The following CDH6 variants were observed in gnomAD, a reference collection of about 807,000 sequenced individuals.
CDH6 encodes the protein cadherin-6.
In CDH6, 31 loss-of-function variants were observed where a neutral mutation model predicts 78.0. The ratio of observed to expected loss-of-function variants is 0.40; its 90% CI spans 0.30 to 0.54. The LOEUF is 0.54. Ranked by LOEUF, CDH6 falls within the 20% of genes least tolerant of loss-of-function variation. The probability of loss-of-function intolerance (pLI) is 0.56; values close to 1 mark genes in which losing one functional copy is unlikely to be tolerated. For synonymous variants in CDH6, 376 were observed against 368.8 expected (o/e 1.02, Z -0.23); for missense variants, 724 against 975.9 (o/e 0.74, Z 3.44).
intron 1 of CDH6, among the ~76,000 whole-genome samples, chr5:31,200,174 A>G (rs1410101374): frequency 3.9e-5 from 6 of 152,206 alleles, no homozygotes; most frequent in African/African-American, 1.2e-4. Context: ...TAATTGTAGT[A>G]GAAAGCATTG....
chr5:31,265,774 T>G (rs1579864256), intron 1 of CDH6, among the ~76,000 whole-genome samples: 1 of 132,330 alleles, frequency 7.6e-6, no homozygotes, highest in Non-Finnish European at 1.6e-5. Flanking sequence ...ACAATGTTTT[T>G]TTTTTTTTTT....
chr5:31,229,161 G>A (rs58288165), intron 1 of CDH6, among the ~76,000 whole-genome samples: 12,414 of 152,132 alleles, frequency 0.082, 648 homozygotes, highest in South Asian at 0.26. Flanking sequence ...AGCTCTACCC[G>A]ATTCTCCAAA....
At chr5:31,303,994 A>G (rs1737903776) in intron 6 of CDH6, among the ~76,000 whole-genome samples, 1 of 152,140 alleles carries the variant, frequency 6.6e-6, no homozygotes, top group Non-Finnish European at 1.5e-5. Flanking sequence ...GAGCCTTGTC[A>G]TATTATCATC....
rs567880202 is a variant in CDH6 at position 31,198,815 on chromosome 5, A to C, written c.-129+4929A>C. ...GCCACCTTATAAACATAATTACATC[A>C]TTAACATATTTATACACACTACTCA... On this transcript the variant is annotated intron_variant, in intron 1 of 11. Transcript: ENST00000265071. Among the ~76,000 whole-genome samples the C allele has an allele frequency of 2.0e-5, 3 of 152,262 alleles. No individual in the cohort carries two copies. In the South Asian group the frequency reaches 6.2e-4, roughly 31 times the overall value.
Position 31,267,362 on chromosome 5 carries a change from A to C in CDH6, c.-112A>C. 1.3e-6 allele frequency: 1 copy of C among 748,280 alleles called. No homozygotes were observed. The highest frequency in any genetic ancestry group is 2.3e-6 in the Non-Finnish European group (1 of 437,902). The allele number at this position is 748,280 out of a possible 1,614,324, so 46.4% of individuals were successfully genotyped here. On this transcript the variant is annotated 5_prime_UTR_variant, in exon 2 of 12. Coordinates refer to ENST00000265071, the MANE Select transcript of CDH6 (RefSeq NM_004932.4). ...TCTTTCCAGATATCCTCTGAGAGCC[A>C]AGCAAAGAACATTAAGGAAGGAAGG...
In CDH6 at chr5:31,229,512, A is replaced by G. The variant is rs115311305; in HGVS notation, c.-129+35626A>G. Among the ~76,000 whole-genome samples the G allele has an allele frequency of 4.5e-3, 692 of 152,328 alleles. 9 individuals are homozygous for G. The highest frequency in any genetic ancestry group is 0.016 in the African/African-American group (668 of 41,574). On this transcript the variant is annotated intron_variant, in intron 1 of 11. Coordinates refer to ENST00000265071, the MANE Select transcript of CDH6 (RefSeq NM_004932.4). Reference sequence around the variant, plus strand: ...AAGGCAGCTTGGCTCTTACGACTGTATGGCTGGTGCCAATTTGGAAGCTTT... The same window carrying G: ...AAGGCAGCTTGGCTCTTACGACTGTGTGGCTGGTGCCAATTTGGAAGCTTT...
At chr5:31,274,656 C>CA (rs1742638553) in intron 2 of CDH6, among the ~76,000 whole-genome samples, 1 of 152,174 alleles carries the variant, frequency 6.6e-6, no homozygotes, top group African/African-American at 2.4e-5. Context: ...CCCATCTCTA[C>CA]TAAAAATACA....
At chr5:31,298,985 G>A (rs925754923) in intron 4 of CDH6, among the ~76,000 whole-genome samples, 1 of 152,140 alleles carries the variant, frequency 6.6e-6, no homozygotes, top group African/African-American at 2.4e-5. Context: ...GTATCTGAGG[G>A]ATAATTAGCT....
chr5:31,194,196 A>G (rs1740097732), intron 1 of CDH6, among the ~76,000 whole-genome samples: 1 of 152,168 alleles, frequency 6.6e-6, no homozygotes, highest in South Asian at 2.1e-4. Context: ...GGGCCGCCGC[A>G]GAAGAACCCG....
chr5:31,254,055 C>T (rs1038552865), intron 1 of CDH6, among the ~76,000 whole-genome samples: 1 of 152,096 alleles, frequency 6.6e-6, no homozygotes. Flanking sequence ...TTCTGGACAG[C>T]GTGGTGAAAT....
intron 1 of CDH6, among the ~76,000 whole-genome samples, chr5:31,203,542 C>T (rs1399972656): frequency 6.9e-6 from 1 of 145,228 alleles, no homozygotes; most frequent in Non-Finnish European, 1.5e-5. Context: ...ATGATGATTT[C>T]CAATTTCATC....
At position 31,299,273 on chromosome 5, in the gene CDH6, G is replaced by A. The variant is rs577306615; in HGVS notation, c.644-191G>A. Among the ~76,000 whole-genome samples, 9 of 151,804 alleles carry A rather than the reference G, an allele frequency of 5.9e-5. No homozygotes were observed. In the South Asian group the frequency reaches 6.3e-4, roughly 11 times the overall value. On this transcript the variant is annotated intron_variant, in intron 4 of 11. Coordinates refer to ENST00000265071, the MANE Select transcript of CDH6 (RefSeq NM_004932.4). The stretch of plus-strand genomic sequence containing the variant: ...CCTTGTATTACAGGCTTTTTTTAAT[G>A]TATCTATCTCCCCTGTGTGGTTGTA...
At position 31,328,026 on chromosome 5, in the gene CDH6, C is replaced by T. The variant is rs1738654582; in HGVS notation, c.*4718C>T. The T allele has an allele frequency of 4.6e-6, 1 of 217,144 alleles. No individual in the cohort carries two copies. The highest frequency in any genetic ancestry group is 1.9e-4 in the South Asian group (1 of 5,348). 13.5% of individuals were successfully genotyped at this position (217,144 alleles called of 1,614,324 possible). ...TTATTTGGGGGAAACGTTAGCCCAA[C>T]AGAGCCGGCAGATGAAAGTGTTGAA... is the stretch of plus-strand genomic sequence containing the variant. On this transcript the variant is annotated 3_prime_UTR_variant, in exon 12 of 12. Coordinates refer to ENST00000265071, the MANE Select transcript of CDH6 (RefSeq NM_004932.4).
intron 6 of CDH6, among the ~76,000 whole-genome samples, chr5:31,302,923 GAAAGA>G (rs1258431976): frequency 1.6e-5 from 2 of 122,298 alleles, no homozygotes; most frequent in African/African-American, 5.5e-5. Context: ...AAGAAAGAAA[GAAAGA>G]AAGAAAGAAA....
chr5:31,254,714 C>T (rs1454006851), intron 1 of CDH6, among the ~76,000 whole-genome samples: 3 of 152,140 alleles, frequency 2.0e-5, no homozygotes, highest in South Asian at 2.1e-4. Context: ...GTGCGATGTG[C>T]GCATTTTATT....
rs545329817 is a variant in CDH6 at position 31,272,436 on chromosome 5, G to C, written c.228+4735G>C. On this transcript the variant is annotated intron_variant, in intron 2 of 11. Coordinates refer to ENST00000265071, the MANE Select transcript of CDH6 (RefSeq NM_004932.4). ...AGCCTTATAATTCCACATTTTCAGA[G>C]ATCCCTGTAACTCTCTAGCCTGTTT... Among the ~76,000 whole-genome samples, 259 of 152,254 alleles carry C rather than the reference G, an allele frequency of 1.7e-3. 1 individual carries two copies. Among genetic ancestry groups the C allele is most frequent in the Middle Eastern group, 3.4e-3 (1 of 294 alleles).
At chr5:31,316,870 T>C (rs777360399) in intron 9 of CDH6, among the ~76,000 whole-genome samples, 3 of 152,262 alleles carry the variant, frequency 2.0e-5, no homozygotes, top group Non-Finnish European at 4.4e-5. Context: ...TACTGTGTTC[T>C]ATATACTTCT....
At chr5:31,211,844 T>A (rs1740716658) in intron 1 of CDH6, among the ~76,000 whole-genome samples, 1 of 152,224 alleles carries the variant, frequency 6.6e-6, no homozygotes, top group Non-Finnish European at 1.5e-5. Context: ...AAATATGTTT[T>A]GTTTGTGGTT....
chr5:31,313,409 G>C lies in CDH6; in HGVS notation c.1345G>C (p.Glu449Gln). 1 of 1,614,070 alleles carries C rather than the reference G, an allele frequency of 6.2e-7. No homozygotes were observed. The highest frequency in any genetic ancestry group is 8.5e-7 in the Non-Finnish European group (1 of 1,179,936). The change falls in exon 8 of 12, where the codon GAA (glutamate) becomes CAA (glutamine). Residue 449 changes from glutamate (E) to glutamine (Q), a missense_variant. Transcript: ENST00000265071. Reference sequence around the variant, plus strand: ...TTTTACATCGAAACTTCTTGACCGAGAAACACTGCTATGGCACAACATTAC... The same window carrying C: ...TTTTACATCGAAACTTCTTGACCGACAAACACTGCTATGGCACAACATTAC... The part of the protein sequence containing the change: ...SIFTSKLLDR[E>Q]TLLWHNITVI...
Sources: allele counts gnomAD v4.1 joint callset (sites outside exome capture counted in the v4.1 genomes callset), GRCh38; gene constraint gnomAD v4.1.1; transcripts MANE v1.5; gene names NCBI Gene and HGNC (gene_info 2026-07-23, HGNC 2026-07-21).